PLEKHG1: variants seen among roughly 807,000 people sequenced by gnomAD.
PLEKHG1 encodes pleckstrin homology and RhoGEF domain containing G1.
A neutral mutation model predicts 100.8 loss-of-function variants in PLEKHG1; 44 were observed. The ratio of observed to expected loss-of-function variants is 0.44; its 90% CI spans 0.34 to 0.56. PLEKHG1 has a LOEUF of 0.56. Ranked by LOEUF, PLEKHG1 falls within the 20% of genes least tolerant of loss-of-function variation. PLEKHG1 has a pLI of 0.01. For synonymous variants in PLEKHG1, 640 were observed against 662.5 expected, an observed-to-expected ratio of 0.97 and a Z score of 0.52; for missense variants, 1,545 against 1,720.9, an observed-to-expected ratio of 0.90 and a Z score of 1.81.
intron 1 of PLEKHG1, among the ~76,000 whole-genome samples, chr6:150,722,349 CTTTTTTTTTTTTTT>C (rs139069069): frequency 1.1e-5 from 1 of 90,680 alleles, no homozygotes; most frequent in Non-Finnish European, 2.1e-5. Flanking sequence ...TTTTTCTTTT[CTTTTTTTTTTTTTT>C]TTTTTTTTGA....
At chr6:150,804,177 T>TATATATATATATA (rs56138913) in intron 6 of PLEKHG1, among the ~76,000 whole-genome samples, 3 of 24,400 alleles carry the variant, frequency 1.2e-4, no homozygotes, top group Non-Finnish European at 1.3e-4. Flanking sequence ...ATATATATAT[T>TATATATATATATA]TTTTTTTTTT....
At chr6:150,703,866 C>T (rs1191501849) in intron 3 of PLEKHG1, among the ~76,000 whole-genome samples, 1 of 152,112 alleles carries the variant, frequency 6.6e-6, no homozygotes, top group Non-Finnish European at 1.5e-5. Flanking sequence ...TTTTTGAAAA[C>T]TTGCAGAATT....
intron 4 of PLEKHG1, 140 bp downstream of exon 5, chr6:150,786,599 G>A (rs1173113887): frequency 6.5e-6 from 4 of 611,362 alleles, no homozygotes; most frequent in Non-Finnish European, 1.2e-5. Context: ...TGTTTGAGTA[G>A]CAAAAATGTA....
exon 16 of PLEKHG1, chr6:150,843,618 A>T: frequency 6.6e-6 from 1 of 152,342 alleles, no homozygotes; most frequent in South Asian, 2.1e-4. Context: ...AAGATAATGA[A>T]AGTTAGTAAC....
chr6:150,739,886 G>A (rs1782761879), intron 2 of PLEKHG1, among the ~76,000 whole-genome samples: 1 of 152,140 alleles, frequency 6.6e-6, no homozygotes, highest in African/African-American at 2.4e-5. Context: ...ACAGTGTCAG[G>A]GAAGATAAAA....
intron 5 of PLEKHG1, among the ~76,000 whole-genome samples, chr6:150,798,803 T>C (rs1016351114): frequency 6.6e-5 from 10 of 152,332 alleles, no homozygotes; most frequent in African/African-American, 2.4e-4. Context: ...TGCAGTGGCA[T>C]GTTCTCACCT....
intron 1 of PLEKHG1, among the ~76,000 whole-genome samples, chr6:150,726,266 T>C (rs1781958838): frequency 6.6e-6 from 1 of 152,188 alleles, no homozygotes; most frequent in South Asian, 2.1e-4. Context: ...TCTTAAGTAT[T>C]GTTATTGTAA....
intron 2 of PLEKHG1, among the ~76,000 whole-genome samples, chr6:150,746,292 C>T (rs774110555): frequency 6.6e-6 from 1 of 152,162 alleles, no homozygotes; most frequent in Non-Finnish European, 1.5e-5. Context: ...ACATATTAAT[C>T]TCGTGGGAAC....
In PLEKHG1 at chr6:150,600,343, C is replaced by A. The variant is rs1180670543; in HGVS notation, c.-204+326C>A. On this transcript the variant is annotated intron_variant, in intron 1 of 3. Transcript: ENST00000367326. The surrounding 1 kb of genome is among the most constrained non-coding windows in gnomAD (Gnocchi z 6.2). ...GTTCCGCGCCCCCAAGTTCCCGGTG[C>A]TCCCGCCCCTCGCCCCAGCGGCTGC... Among the ~76,000 whole-genome samples, 1 of 151,988 alleles carries A rather than the reference C, an allele frequency of 6.6e-6. No individual in the cohort carries two copies. The highest frequency in any genetic ancestry group is 1.5e-5 in the Non-Finnish European group (1 of 67,954).
At position 150,766,998 on chromosome 6, in the gene PLEKHG1, G is replaced by A. The variant is rs191426422; in HGVS notation, c.412-1640G>A. Among the ~76,000 whole-genome samples the A allele has an allele frequency of 2.6e-5, 4 of 151,442 alleles. No individual in the cohort carries two copies. In the East Asian group the frequency reaches 7.8e-4, roughly 30 times the overall value. ...TTCTGTTTTACCTTCTTAATTTTGT[G>A]TACAATATGCCCTCCAAAATGTCCA... On this transcript the variant is annotated intron_variant, in intron 2 of 15. Coordinates refer to ENST00000358517, the Ensembl canonical transcript of PLEKHG1.
rs79568506 is a variant in PLEKHG1, at chr6:150,731,505, A to G, written c.-98-2079A>G. 2.1e-3 allele frequency among the ~76,000 whole-genome samples: 318 copies of G among 152,346 alleles called. 11 individuals carry two copies. In the East Asian group the frequency reaches 0.05, roughly 24 times the overall value. ...GTATGTTGAAGGAGAGACTTGTTGG[A>G]TACTTTATATTCTAAAAATATTAGT... is the stretch of plus-strand genomic sequence containing the variant. On this transcript the variant is annotated intron_variant, in intron 1 of 15. Transcript: ENST00000358517.
chr6:150,646,060 A>G (rs368176432), intron 2 of PLEKHG1, among the ~76,000 whole-genome samples: 51 of 152,354 alleles, frequency 3.3e-4, no homozygotes, highest in African/African-American at 1.1e-3. Context: ...CAGTTGAACT[A>G]CATAATTAGC....
intron 5 of PLEKHG1, among the ~76,000 whole-genome samples, chr6:150,797,094 A>G (rs1486900091): frequency 1.3e-5 from 2 of 151,912 alleles, no homozygotes; most frequent in Non-Finnish European, 2.9e-5. Context: ...GGTTCAAGTG[A>G]TTCTCCTACC....
chr6:150,728,138 A>G (rs1782050656), intron 1 of PLEKHG1, among the ~76,000 whole-genome samples: 1 of 152,254 alleles, frequency 6.6e-6, no homozygotes, highest in Non-Finnish European at 1.5e-5. Context: ...AGTTGTATGT[A>G]TCTCTGCATT....
intron 2 of PLEKHG1, among the ~76,000 whole-genome samples, chr6:150,643,514 G>A (rs1252873808): frequency 6.6e-6 from 1 of 152,152 alleles, no homozygotes; most frequent in Non-Finnish European, 1.5e-5. Context: ...AGCATGTGGT[G>A]CCTGATGAGA....
At chr6:150,777,880 C>G (rs1245826158) in intron 3 of PLEKHG1, among the ~76,000 whole-genome samples, 1 of 152,282 alleles carries the variant, frequency 6.6e-6, no homozygotes, top group African/African-American at 2.4e-5. Context: ...TCCGTAGTCT[C>G]CACCCCCGAG....
At chr6:150,697,554 C>T (rs1780597470) in intron 3 of PLEKHG1, among the ~76,000 whole-genome samples, 1 of 152,198 alleles carries the variant, frequency 6.6e-6, no homozygotes, top group Non-Finnish European at 1.5e-5. Flanking sequence ...AATTGAGAAT[C>T]TCGCTGAGGG....
At chr6:150,601,098 A>G (rs75686105) in intron 1 of PLEKHG1, among the ~76,000 whole-genome samples, 2,313 of 152,276 alleles carry the variant, frequency 0.015, 29 homozygotes, top group Non-Finnish European at 0.025. Flanking sequence ...GACCGGGGGA[A>G]AGACTAGAAT....
rs1348132226 is a variant in PLEKHG1 at position 150,832,089 on chromosome 6, T to C, written c.2978T>C (p.Leu993Pro). ...CAGAAGATTAAGAAGGCGAATCAAC[T>C]TTTAAAAGTGAAAAGTCTGGAGCTG... Residue 993 changes from leucine (L) to proline (P), a missense_variant, in exon 15 of 16, where the codon CTT becomes CCT. Coordinates refer to ENST00000358517, the Ensembl canonical transcript of PLEKHG1. The C allele has an allele frequency of 6.2e-7, 1 of 1,614,122 alleles. No homozygotes were observed. The highest frequency in any genetic ancestry group is 1.7e-5 in the Admixed American group (1 of 60,014).
Sources: allele counts gnomAD v4.1 joint callset (sites outside exome capture counted in the v4.1 genomes callset), GRCh38; gene constraint gnomAD v4.1.1; non-coding constraint Gnocchi (gnomAD v3.1); transcripts MANE v1.5; gene names NCBI Gene and HGNC (gene_info 2026-07-23, HGNC 2026-07-21).